PDE3A: variants seen among roughly 807,000 people sequenced by gnomAD.
The protein encoded by PDE3A is cGMP-inhibited 3',5'-cyclic phosphodiesterase 3A.
PDE3A carries 43 observed loss-of-function variants against 98.3 expected under a neutral mutation model. The observed-to-expected ratio is 0.44, with a 90% CI of 0.34 to 0.56. PDE3A has a LOEUF of 0.56. Ranked by LOEUF, PDE3A falls within the 20% of genes least tolerant of loss-of-function variation. The probability of loss-of-function intolerance (pLI) is 0.01; values close to 1 mark genes in which losing one functional copy is unlikely to be tolerated. For synonymous variants in PDE3A, 663 were observed against 567.9 expected (o/e 1.17, Z -2.38); for missense variants, 1,427 against 1,440.7 (o/e 0.99, Z 0.15).
chr12:20,565,738 T>C (rs1250107106), intron 2 of PDE3A, among the ~76,000 whole-genome samples: 1 of 151,220 alleles, frequency 6.6e-6, no homozygotes, highest in Non-Finnish European at 1.5e-5. Context: ...CTTGGTACAA[T>C]TTTTTTTTAT....
At chr12:20,390,668 T>C (rs1157902970) in intron 1 of PDE3A, among the ~76,000 whole-genome samples, 2 of 151,900 alleles carry the variant, frequency 1.3e-5, no homozygotes, top group African/African-American at 4.8e-5. Context: ...GGTTTGGACA[T>C]ATTCAGTGTA....
intron 1 of PDE3A, among the ~76,000 whole-genome samples, chr12:20,499,241 C>T (rs927968436): frequency 1.3e-5 from 2 of 152,142 alleles, no homozygotes; most frequent in East Asian, 1.9e-4. Context: ...AAATGCTTAA[C>T]GTTGTGCCTA....
intron 5 of PDE3A, among the ~76,000 whole-genome samples, chr12:20,626,750 G>A (rs139728686): frequency 2.0e-5 from 3 of 152,120 alleles, no homozygotes; most frequent in East Asian, 1.9e-4. Flanking sequence ...TGCCCTCCTC[G>A]GCCTCCCAAA....
intron 15 of PDE3A, among the ~76,000 whole-genome samples, chr12:20,676,935 A>G (rs557263605): frequency 6.8e-4 from 104 of 152,236 alleles, no homozygotes; most frequent in South Asian, 6.0e-3. Flanking sequence ...TTCACCTATA[A>G]TTTTGTTAAA....
chr12:20,647,231 CA>C (rs1237665833), intron 12 of PDE3A, among the ~76,000 whole-genome samples: 3 of 152,038 alleles, frequency 2.0e-5, no homozygotes, highest in Non-Finnish European at 2.9e-5. Flanking sequence ...CTTTAACAAA[CA>C]AAAGGCAACC....
At chr12:20,515,100 C>T (rs1347927912) in intron 1 of PDE3A, among the ~76,000 whole-genome samples, 1 of 152,138 alleles carries the variant, frequency 6.6e-6, no homozygotes, top group African/African-American at 2.4e-5. Context: ...AGGGTAGAGC[C>T]CTCAGGGCCC....
Position 20,369,802 on chromosome 12 carries a change from T to A in PDE3A, c.518T>A (p.Leu173His). The change falls in exon 1 of 16, where the codon CTC becomes CAC. Residue 173 changes from leucine to histidine, a missense_variant. Transcript: ENST00000359062. ...GCCGCCTGCTGCGGGGGGGAAGCGC[T>A]CGTCCAGATTGGGCTGGGCGTCGGG... ...LLAACCGGEA[L>H]VQIGLGVGED... 6.2e-7 allele frequency: 1 copy of A among 1,612,392 alleles called. No individual in the cohort carries two copies. The highest frequency in any genetic ancestry group is 8.5e-7 in the Non-Finnish European group (1 of 1,179,642).
intron 1 of PDE3A, among the ~76,000 whole-genome samples, chr12:20,432,871 T>G (rs2120809248): frequency 2.0e-5 from 3 of 152,300 alleles, no homozygotes. Flanking sequence ...TGCTTTTTTT[T>G]TGTGCTGGAG....
At chr12:20,463,782 A>T (rs1188896406) in intron 1 of PDE3A, among the ~76,000 whole-genome samples, 1 of 152,148 alleles carries the variant, frequency 6.6e-6, no homozygotes, top group African/African-American at 2.4e-5. Context: ...TAAGAAGGGG[A>T]CAAAACATAC....
chr12:20,500,050 C>T (rs1945994423), intron 1 of PDE3A, among the ~76,000 whole-genome samples: 2 of 152,214 alleles, frequency 1.3e-5, no homozygotes, highest in Non-Finnish European at 2.9e-5. Context: ...CCTTCACTGC[C>T]GAAGAAGCAA....
intron 1 of PDE3A, among the ~76,000 whole-genome samples, chr12:20,538,268 T>G (rs978024292): frequency 2.0e-5 from 3 of 152,038 alleles, no homozygotes; most frequent in Non-Finnish European, 4.4e-5. Flanking sequence ...GATGTTGGGG[T>G]GGAGGGAATT....
intron 1 of PDE3A, among the ~76,000 whole-genome samples, chr12:20,384,354 C>T (rs553370188): frequency 9.2e-5 from 14 of 151,686 alleles, no homozygotes; most frequent in Admixed American, 3.9e-4. Flanking sequence ...GATACTATAA[C>T]GTTTTGTGTA....
At chr12:20,603,317 C>CAACA (rs1943637024) in intron 2 of PDE3A, among the ~76,000 whole-genome samples, 1 of 152,142 alleles carries the variant, frequency 6.6e-6, no homozygotes, top group East Asian at 1.9e-4. Context: ...AAAATACTTC[C>CAACA]AACAATGGAG....
At chr12:20,461,477 T>A (rs1230659931) in intron 1 of PDE3A, among the ~76,000 whole-genome samples, 1 of 152,180 alleles carries the variant, frequency 6.6e-6, no homozygotes, top group Non-Finnish European at 1.5e-5. Flanking sequence ...CCAAGGTAAT[T>A]GCTACATGAA....
chr12:20,495,630 G>T (rs2121062931), intron 1 of PDE3A, among the ~76,000 whole-genome samples: 1 of 151,756 alleles, frequency 6.6e-6, no homozygotes, highest in East Asian at 1.9e-4. Flanking sequence ...CATTTTTGTT[G>T]TTTTCGACTT....
chr12:20,608,941 T>C (rs1943779542), intron 2 of PDE3A, among the ~76,000 whole-genome samples: 1 of 152,038 alleles, frequency 6.6e-6, no homozygotes. Context: ...ATGGAAACAG[T>C]CCAGTTAATT....
chr12:20,667,512 C>G (rs1231830178), intron 15 of PDE3A, among the ~76,000 whole-genome samples: 1 of 152,142 alleles, frequency 6.6e-6, no homozygotes, highest in African/African-American at 2.4e-5. Context: ...TTTCCCAGCA[C>G]CACTTATTAA....
At chr12:20,604,390 T>A (rs1459516379) in intron 2 of PDE3A, among the ~76,000 whole-genome samples, 1 of 152,154 alleles carries the variant, frequency 6.6e-6, no homozygotes, top group African/African-American at 2.4e-5. Context: ...AAAAAAACTT[T>A]CTCTTATATC....
At chr12:20,542,005 A>G (rs1941925064) in intron 1 of PDE3A, among the ~76,000 whole-genome samples, 2 of 152,110 alleles carry the variant, frequency 1.3e-5, no homozygotes, top group African/African-American at 2.4e-5. Flanking sequence ...GAGGACAAAT[A>G]AGAAAGCCAA....
Sources: gnomAD v4.1 joint callset for allele counts (sites outside exome capture counted in the v4.1 genomes callset) on GRCh38, gnomAD v4.1.1 for gene constraint, MANE v1.5 for transcripts, NCBI Gene and HGNC (gene_info 2026-07-23, HGNC 2026-07-21) for gene names.